Variants in STMN1 observed in about 807,000 individuals in gnomAD.
The protein encoded by STMN1 is stathmin 1.
A neutral mutation model predicts 19.7 loss-of-function variants in STMN1; 3 were observed. The ratio of observed to expected loss-of-function variants is 0.15; its 90% CI spans 0.07 to 0.39. The LOEUF (loss-of-function observed/expected upper bound fraction) is 0.39. STMN1 is among the 10% of genes least tolerant of loss of function. STMN1 has a pLI of 1.00. For synonymous variants in STMN1, 59 were observed against 58.9 expected (o/e 1.00, Z -0.01); for missense variants, 99 against 176.0 (o/e 0.56, Z 2.48).
At chr1:25,903,049 T>A (rs2048893895) in intron 3 of STMN1, 2 of 152,284 alleles carry the variant, frequency 1.3e-5, no homozygotes, top group Non-Finnish European at 2.9e-5. Context: ...ATACTTTTAA[T>A]TTCCATTTAT....
chr1:25,901,837 C>G (rs2048878549), intron 3 of STMN1, 155 bp from the exon 4 acceptor site: 1 of 568,996 alleles, frequency 1.8e-6, no homozygotes, highest in East Asian at 3.5e-5. Context: ...TGGTGAAATC[C>G]TACCTATACT....
intron 4 of STMN1, among the ~76,000 whole-genome samples, chr1:25,887,985 C>CTTG (rs909993209): frequency 4.0e-4 from 61 of 151,960 alleles, no homozygotes; most frequent in South Asian, 8.3e-4. Flanking sequence ...GTGCCCGGCC[C>CTTG]TTGTTGTTGT....
chr1:25,901,139 A>AAAAAC, intron 4 of STMN1, 52 bp from the exon 5 acceptor site: 1 of 1,514,188 alleles, frequency 6.6e-7, no homozygotes, highest in Non-Finnish European at 8.9e-7. Flanking sequence ...AAAAAAAAAA[A>AAAAAC]GCCTGTCAAG....
intron 4 of STMN1, chr1:25,892,555 G>A (rs532858306): frequency 4.1e-5 from 40 of 985,074 alleles, no homozygotes; most frequent in Middle Eastern, 5.2e-4. Flanking sequence ...ATGCCACCAC[G>A]GCTGAGCCGC....
At position 25,901,259 on chromosome 1, in the gene STMN1, C is replaced by T. The variant is rs1440073084; in HGVS notation, c.379-172G>A. The T allele has an allele frequency of 3.9e-6, 5 of 1,285,326 alleles. 1 individual carries two copies. The highest frequency in any genetic ancestry group is 5.2e-6 in the Non-Finnish European group (5 of 959,166). 79.6% of individuals were successfully genotyped at this position (1,285,326 alleles called of 1,614,324 possible). Reference sequence around the variant, plus strand: ...TTCTGAGACATCATCATCAAATCTCCTGGGTCCCTTGTAGAACCTAACAAG... The same window carrying T: ...TTCTGAGACATCATCATCAAATCTCTTGGGTCCCTTGTAGAACCTAACAAG... On this transcript the variant is annotated intron_variant, in intron 4 of 4. Transcript: ENST00000455785.
In STMN1 at chr1:25,900,191, G is replaced by A; in HGVS notation, c.*825C>T. On this transcript the variant is annotated 3_prime_UTR_variant, in exon 5 of 5. Coordinates refer to ENST00000455785, the MANE Select transcript of STMN1 (RefSeq NM_005563.4). ...AGCTTTTATGGCAGGAAAGGATGAG[G>A]ACATGCCCCACCTGTAACGTAGAGC... The A allele has an allele frequency of 1.0e-6, 1 of 985,852 alleles. No individual in the cohort carries two copies. The highest frequency in any genetic ancestry group is 1.7e-5 in the African/African-American group (1 of 57,338). The allele number at this position is 985,852 out of a possible 1,614,324, so 61.1% of individuals were successfully genotyped here.
At chr1:25,892,716 G>A (rs976282894) in intron 4 of STMN1, 6 of 422,890 alleles carry the variant, frequency 1.4e-5, no homozygotes, top group African/African-American at 6.5e-5. Context: ...CCGGGCACAC[G>A]GGACAGCACT....
At chr1:25,886,016 A>C in intron 4 of STMN1, 1 of 1,169,726 alleles carries the variant, frequency 8.5e-7, no homozygotes, top group Non-Finnish European at 1.1e-6. Context: ...AAATACTGAC[A>C]CCTGGCCCCC....
In STMN1 at chr1:25,892,455, G is replaced by C. The variant is rs1005674343; in HGVS notation, c.379-6586C>G. ...TAGGAATTAAAAGGCCTGTATTTGA[G>C]ACCATCACTACTACATCACTAACTG... On this transcript the variant is annotated intron_variant, in intron 4 of 4. Coordinates refer to the STMN1 transcript ENST00000426559. 22 of 732,894 alleles carry C rather than the reference G, an allele frequency of 3.0e-5. No individual in the cohort carries two copies. The African/African-American group carries it at 4.1e-4, about 14-fold the overall frequency. 45.4% of individuals were successfully genotyped at this position (732,894 alleles called of 1,614,324 possible).
At chr1:25,902,842 T>A (rs915775331) in intron 3 of STMN1, 1 of 152,304 alleles carries the variant, frequency 6.6e-6, no homozygotes, top group Admixed American at 6.5e-5. Context: ...ATACTACAAA[T>A]CACTATGCTG....
intron 2 of STMN1, 71 bp from the exon 3 acceptor site, chr1:25,903,884 C>G (rs1202983375): frequency 6.8e-6 from 10 of 1,471,138 alleles, no homozygotes; most frequent in Non-Finnish European, 9.1e-6. Flanking sequence ...CTATAATTTT[C>G]TAAAACCCAA....
intron 4 of STMN1, 30 bp from the exon 5 acceptor site, chr1:25,901,117 CAA>C (rs58316569): frequency 0.12 from 125,378 of 1,079,426 alleles, 1 homozygote; most frequent in East Asian, 0.14. Flanking sequence ...TGTCATCAGT[CAA>C]AAAAAAAAAA....
At chr1:25,887,097 T>C (rs368630377) in intron 4 of STMN1, among the ~76,000 whole-genome samples, 2 of 152,114 alleles carry the variant, frequency 1.3e-5, no homozygotes, top group East Asian at 3.9e-4. Context: ...CCCTCCTGGG[T>C]TGTGTGTCTT....
chr1:25,890,158 T>G (rs1449442122), intron 4 of STMN1, among the ~76,000 whole-genome samples: 1 of 152,094 alleles, frequency 6.6e-6, no homozygotes, highest in African/African-American at 2.4e-5. Flanking sequence ...AGAGGCTTGT[T>G]TCGGGTGGTC....
At chr1:25,889,212 T>C (rs1173709121) in intron 4 of STMN1, 2 of 290,212 alleles carry the variant, frequency 6.9e-6, no homozygotes, top group Non-Finnish European at 1.3e-5. Flanking sequence ...GTTAGACATG[T>C]TTTATTGGGA....
intron 4 of STMN1, chr1:25,887,571 G>A (rs1174273917): frequency 4.0e-6 from 1 of 248,452 alleles, no homozygotes; most frequent in Non-Finnish European, 8.2e-6. Flanking sequence ...GTCCTTTATA[G>A]TAGAGGTATG....
intron 3 of STMN1, 115 bp downstream of exon 3, chr1:25,903,526 C>T (rs990189880): frequency 7.4e-7 from 1 of 1,356,702 alleles, no homozygotes; most frequent in South Asian, 1.3e-5. Flanking sequence ...CAGTCACTGG[C>T]ATATGTAATA....
intron 3 of STMN1, 92 bp from the exon 4 acceptor site, chr1:25,901,774 C>A: frequency 7.8e-7 from 1 of 1,288,420 alleles, no homozygotes; most frequent in South Asian, 1.6e-5. Context: ...CTTTGGGAGG[C>A]CAAGGTGGGT....
intron 4 of STMN1, chr1:25,889,128 G>C (rs1358202810): frequency 4.5e-6 from 2 of 447,606 alleles, no homozygotes; most frequent in African/African-American, 2.0e-5. Flanking sequence ...ACATGAGATG[G>C]CACACACATT....
Sources: gnomAD v4.1 joint callset for allele counts (sites outside exome capture counted in the v4.1 genomes callset) on GRCh38, gnomAD v4.1.1 for gene constraint, MANE v1.5 for transcripts, NCBI Gene and HGNC (gene_info 2026-07-23, HGNC 2026-07-21) for gene names.